Variants in BTBD1 observed in about 807,000 individuals in gnomAD.
The protein encoded by BTBD1 is BTB domain containing 1, also known as BTB/POZ domain-containing protein 1.
Under a neutral mutation model 48.0 loss-of-function variants are expected in BTBD1, and 34 were observed. The observed-to-expected ratio is 0.71, with a 90% CI of 0.54 to 0.94. The LOEUF (loss-of-function observed/expected upper bound fraction) is 0.94, where lower values mean the gene tolerates loss of function less well. BTBD1 is among the 40% of genes least tolerant of loss of function. BTBD1 has a pLI of 0.00. For synonymous variants in BTBD1, 261 were observed against 242.1 expected (o/e 1.08, Z -0.72); for missense variants, 543 against 625.6 (o/e 0.87, Z 1.41).
chr15:83,040,594 G>A (rs2032732661), intron 4 of BTBD1, among the ~76,000 whole-genome samples: 1 of 151,598 alleles, frequency 6.6e-6, no homozygotes, highest in African/African-American at 2.4e-5. Flanking sequence ...CAGCTACTCA[G>A]GAGGCTGAGG....
intron 2 of BTBD1, among the ~76,000 whole-genome samples, chr15:83,054,982 T>G (rs1432992262): frequency 6.6e-6 from 1 of 152,196 alleles, no homozygotes; most frequent in Non-Finnish European, 1.5e-5. Flanking sequence ...GTTTTAATTT[T>G]CCCGTTTGTA....
At chr15:83,028,604 G>A (rs1160829491) in intron 5 of BTBD1, 2 of 152,026 alleles carry the variant, frequency 1.3e-5, no homozygotes, top group African/African-American at 4.8e-5. Context: ...TTGAGGATTT[G>A]ACAAAACTCA....
intron 2 of BTBD1, among the ~76,000 whole-genome samples, chr15:83,050,665 A>C (rs2032965399): frequency 6.6e-6 from 1 of 152,198 alleles, no homozygotes; most frequent in Admixed American, 6.5e-5. Context: ...TGTCAAGCAC[A>C]ACAGTGCAAA....
chr15:83,032,843 G>A (rs1338950470), intron 4 of BTBD1, among the ~76,000 whole-genome samples: 1 of 151,784 alleles, frequency 6.6e-6, no homozygotes, highest in Non-Finnish European at 1.5e-5. Flanking sequence ...GCGGTGGTGG[G>A]TGCCTGTGAT....
chr15:83,050,430 T>TTG (rs71927319), intron 2 of BTBD1, among the ~76,000 whole-genome samples: 7,989 of 146,152 alleles, frequency 0.055, 323 homozygotes, highest in South Asian at 0.12. Context: ...TTTTATGTGC[T>TTG]TGTGTGTGTG....
At chr15:83,033,229 T>A (rs933151472) in intron 4 of BTBD1, among the ~76,000 whole-genome samples, 1 of 151,762 alleles carries the variant, frequency 6.6e-6, no homozygotes, top group Non-Finnish European at 1.5e-5. Context: ...TTAAAAAAAA[T>A]GGTAAGATAA....
At chr15:83,048,989 T>A (rs1335620918) in intron 3 of BTBD1, among the ~76,000 whole-genome samples, 1 of 152,162 alleles carries the variant, frequency 6.6e-6, no homozygotes, top group Non-Finnish European at 1.5e-5. Context: ...ACAACGCAGT[T>A]CAAAAGCAAA....
Position 83,025,357 on chromosome 15 carries a change from CAA to C in BTBD1, c.1056-4597_1056-4596del, listed in dbSNP as rs767479917. On this transcript the variant is annotated intron_variant, in intron 5 of 7. Coordinates refer to ENST00000261721, the MANE Select transcript of BTBD1 (RefSeq NM_025238.4). ...TGGGCAACAAAACAAGACTCCATCA[CAA>C]AAAAAAAAAAAAAAAAAAAAAGAAT... 5.5e-3 allele frequency among the ~76,000 whole-genome samples: 355 copies of C among 64,174 alleles called. 1 individual carries two copies. The highest frequency in any genetic ancestry group is 0.012 in the African/African-American group (206 of 17,118). The allele number at this position is 64,174 out of a possible 152,430, so 42.1% of individuals were successfully genotyped here. A position where few individuals can be genotyped will look rare whatever the true frequency, so the allele number is the denominator to read the frequency against.
At chr15:83,047,930 G>A (rs932434592) in intron 3 of BTBD1, among the ~76,000 whole-genome samples, 2 of 152,150 alleles carry the variant, frequency 1.3e-5, no homozygotes, top group African/African-American at 4.8e-5. Flanking sequence ...GAAGTTATAT[G>A]GGCTGATTTT....
intron 2 of BTBD1, among the ~76,000 whole-genome samples, chr15:83,051,904 A>ACACACACACACACACACACACAC (rs61375537): frequency 6.7e-6 from 1 of 149,992 alleles, no homozygotes; most frequent in Admixed American, 6.7e-5. Flanking sequence ...ACACACACAC[A>ACACACACACACACACACACACAC]TCTATCTGGG....
chr15:83,053,822 C>T (rs1325849753), intron 2 of BTBD1, among the ~76,000 whole-genome samples: 2 of 152,194 alleles, frequency 1.3e-5, no homozygotes, highest in African/African-American at 4.8e-5. Context: ...TGAAAACCTA[C>T]ACCTCATAAA....
chr15:83,047,066 C>A (rs566981454), intron 3 of BTBD1, among the ~76,000 whole-genome samples: 1 of 152,298 alleles, frequency 6.6e-6, no homozygotes, highest in South Asian at 2.1e-4. Context: ...GTACTATATT[C>A]TTCTGTCTTT....
intron 5 of BTBD1, among the ~76,000 whole-genome samples, chr15:83,026,769 G>T (rs531629038): frequency 6.6e-6 from 1 of 152,030 alleles, no homozygotes; most frequent in Non-Finnish European, 1.5e-5. Flanking sequence ...TGATCCGCCC[G>T]CCTCGGCCTC....
At chr15:83,040,253 G>A (rs1287848390) in intron 4 of BTBD1, among the ~76,000 whole-genome samples, 1 of 152,098 alleles carries the variant, frequency 6.6e-6, no homozygotes, top group African/African-American at 2.4e-5. Flanking sequence ...AGGGACAGAA[G>A]GGGGAAAAGA....
intron 3 of BTBD1, chr15:83,044,505 T>C (rs1407114406): frequency 6.3e-7 from 1 of 1,580,262 alleles, no homozygotes; most frequent in Non-Finnish European, 8.7e-7. Flanking sequence ...TATCATCACT[T>C]GTGATGGCAA....
At position 83,056,484 on chromosome 15, in the gene BTBD1, C is replaced by T; in HGVS notation, c.463G>A (p.Ala155Thr). The T allele has an allele frequency of 3.7e-6, 6 of 1,613,164 alleles. No homozygotes were observed. The highest frequency in any genetic ancestry group is 5.1e-6 in the Non-Finnish European group (6 of 1,179,220). ...AAGGCTGGGACTGCGTATTTCTTGG[C>T]AGTATAAAGAGTGGTCATAACTGTT... ...PETVMTTLYTAKKYAVPALEA... is the reference protein window; with the variant it reads ...PETVMTTLYTTKKYAVPALEA... The change falls in exon 2 of 8, where the codon GCC (alanine) becomes ACC (threonine). Residue 155 changes from alanine to threonine, a missense_variant. Transcript: ENST00000261721.
chr15:83,031,341 T>C (rs1385185948), intron 4 of BTBD1, among the ~76,000 whole-genome samples: 1 of 152,222 alleles, frequency 6.6e-6, no homozygotes, highest in East Asian at 1.9e-4. Flanking sequence ...GAGAAGTGTC[T>C]GTTCATATCC....
Position 83,030,289 on chromosome 15 carries a change from A to C in BTBD1, c.902T>G (p.Val301Gly), listed in dbSNP as rs1390732691. Residue 301 changes from valine to glycine, a missense_variant, in exon 5 of 8, where the codon GTA becomes GGA. This residue lies in a region of BTBD1 where 300 missense variants were observed against 350.0 expected (regional missense o/e 0.86). Coordinates refer to ENST00000261721, the MANE Select transcript of BTBD1 (RefSeq NM_025238.4). ...GACAGTAAAATGAAGAAAGAGGTTT[A>C]CCACTTCACGATCTGACAAAATTCC... ...QSGILSDREV[V>G]NLFLHFTVNP... The C allele has an allele frequency of 6.2e-7, 1 of 1,614,118 alleles. No homozygotes were observed. The highest frequency in any genetic ancestry group is 2.2e-5 in the East Asian group (1 of 44,878).
At chr15:83,026,883 A>G (rs1393138989) in intron 5 of BTBD1, among the ~76,000 whole-genome samples, 1 of 152,226 alleles carries the variant, frequency 6.6e-6, no homozygotes, top group Non-Finnish European at 1.5e-5. Context: ...AACAGAAGGA[A>G]TATACAGTCA....
Sources: allele counts gnomAD v4.1 joint callset (sites outside exome capture counted in the v4.1 genomes callset), GRCh38; gene constraint gnomAD v4.1.1; regional missense constraint gnomAD v4.1.1; transcripts MANE v1.5; gene names NCBI Gene and HGNC (gene_info 2026-07-23, HGNC 2026-07-21).